The following LRRK2 variants were observed in gnomAD, a reference collection of about 807,000 sequenced individuals.
The protein encoded by LRRK2 is leucine-rich repeat serine/threonine-protein kinase 2.
In LRRK2, 203 loss-of-function variants were observed where a neutral mutation model predicts 302.6. The observed-to-expected ratio is 0.67, with a 90% CI of 0.60 to 0.75. The LOEUF is 0.75. LRRK2 is among the 30% of genes least tolerant of loss of function. The probability of loss-of-function intolerance (pLI) is 0.00; values close to 1 mark genes in which losing one functional copy is unlikely to be tolerated. For missense variants in LRRK2, 2,830 were observed against 2,951.0 expected (o/e 0.96, Z 0.95); for synonymous variants, 1,066 against 1,031.9 (o/e 1.03, Z -0.63).
At chr12:40,286,501 T>G (rs187755906) in intron 19 of LRRK2, 1 of 151,968 alleles carries the variant, frequency 6.6e-6, no homozygotes, top group Non-Finnish European at 1.5e-5. Flanking sequence ...ATTCCTACTG[T>G]TGTCAAAGTC....
In LRRK2 at chr12:40,367,723, A is replaced by C; in HGVS notation, c.7542A>C (p.Arg2514Ser). Residue 2514 changes from arginine (R) to serine (S), a missense_variant, in exon 51 of 51, where the codon AGA becomes AGC. Arg to Ser is a moderately radical substitution (Grantham distance 110). Around this residue, in one of 3 missense-constraint regions of LRRK2, gnomAD observed 456 missense variants for 456.3 expected, o/e 1.00. Coordinates refer to ENST00000298910, the MANE Select transcript of LRRK2 (RefSeq NM_198578.4). ...ATTTAGAAAAACACATTGAAGTGAGAAAAGAATTAGCTGAAAAAATGAGAC... is the reference window on the plus strand; with the variant it reads ...ATTTAGAAAAACACATTGAAGTGAGCAAAGAATTAGCTGAAAAAATGAGAC... ...VQNLEKHIEVRKELAEKMRRT... is the reference protein window; with the variant it reads ...VQNLEKHIEVSKELAEKMRRT... The C allele has an allele frequency of 6.2e-7, 1 of 1,605,230 alleles. No homozygotes were observed. The highest frequency in any genetic ancestry group is 8.5e-7 in the Non-Finnish European group (1 of 1,174,768).
At chr12:40,237,162 A>G (rs757306133) in intron 4 of LRRK2, among the ~76,000 whole-genome samples, 5 of 152,162 alleles carry the variant, frequency 3.3e-5, no homozygotes, top group African/African-American at 1.2e-4. Context: ...TTTGGAGTGA[A>G]GACAATGTGC....
At position 40,322,054 on chromosome 12, in the gene LRRK2, CAG is replaced by C; in HGVS notation, c.5192_5193del (p.Arg1731AsnfsTer14). The C allele has an allele frequency of 6.2e-7, 1 of 1,613,174 alleles. No individual in the cohort carries two copies. On this transcript the variant is annotated frameshift_variant, in exon 36 of 51. Coordinates refer to ENST00000298910, the MANE Select transcript of LRRK2 (RefSeq NM_198578.4). LOFTEE classifies it high-confidence loss of function. ...TTTTAGAACGAGCACTTCGCCCAAACAGAATGTATTGGCGACAAGGCATTTAC... is the reference window on the plus strand; with the variant it reads ...TTTTAGAACGAGCACTTCGCCCAAACAATGTATTGGCGACAAGGCATTTAC... ...SGRERALRPN[R>X]MYWRQGIYLN... is the part of the protein sequence containing the mutation.
rs146958951 is a variant in LRRK2, at chr12:40,308,559, T to G, written c.4052T>G (p.Leu1351Trp). The change falls in exon 29 of 51, where the codon TTG (leucine) becomes TGG (tryptophan). Residue 1351 changes from leucine (L) to tryptophan (W), a missense_variant. By Grantham distance (61) the Leu-to-Trp change is moderately conservative. Transcript: ENST00000298910. ...ACTGGGAGTGGTAAAACCACCTTAT[T>G]GCAGCAATTAATGAAAACCAAGAAA... ...GNTGSGKTTL[L>W]QQLMKTKKSD... 25 of 1,613,944 alleles carry G rather than the reference T, an allele frequency of 1.5e-5. No homozygotes were observed. In the African/African-American group the frequency reaches 3.3e-4, roughly 22 times the overall value.
chr12:40,326,744 G>A (rs548618462), intron 38 of LRRK2, among the ~76,000 whole-genome samples: 10 of 152,170 alleles, frequency 6.6e-5, no homozygotes, highest in African/African-American at 2.4e-4. Flanking sequence ...GTATGTAACA[G>A]TTCCCTCTGA....
intron 2 of LRRK2, chr12:40,227,809 C>T (rs1196212114): frequency 6.6e-6 from 1 of 152,240 alleles, no homozygotes; most frequent in African/African-American, 2.4e-5. Context: ...AGTCCTCCTG[C>T]CTCAGCCTCC....
rs541492513 is a variant in LRRK2, at chr12:40,299,088, T to C, written c.3348-21T>C. On this transcript the variant is annotated intron_variant, in intron 24 of 50. Coordinates refer to ENST00000298910, the MANE Select transcript of LRRK2 (RefSeq NM_198578.4). ...ATATGAATTTATGCAATTTAATCATTATCTTGTCTCTTGTGACTAGAAATA... is the reference window on the plus strand; with the variant it reads ...ATATGAATTTATGCAATTTAATCATCATCTTGTCTCTTGTGACTAGAAATA... 12 of 1,610,768 alleles carry C rather than the reference T, an allele frequency of 7.4e-6. 1 individual carries two copies. In the Admixed American group the frequency reaches 2.0e-4, roughly 27 times the overall value.
At position 40,359,173 on chromosome 12, in the gene LRRK2, G is replaced by A. The variant is rs928461717; in HGVS notation, c.6844-87G>A. On this transcript the variant is annotated intron_variant, in intron 46 of 50. Coordinates refer to ENST00000298910, the MANE Select transcript of LRRK2 (RefSeq NM_198578.4). ...TATCTCTAATCATTTAAGATGGAAA[G>A]TAGTTTTTTGAAAGCACAGATTTTA... 4.6e-6 allele frequency: 5 copies of A among 1,079,146 alleles called. No homozygotes were observed. The African/African-American group carries it at 4.8e-5, about 10-fold the overall frequency. The allele number at this position is 1,079,146 out of a possible 1,614,324, so 66.8% of individuals were successfully genotyped here.
In LRRK2 at chr12:40,335,162, G is replaced by C. The variant is rs1945829997; in HGVS notation, c.5948+5G>C. ...CCACGTAGCTGATGGTTTGAGGTAA[G>C]TAGGTCATGTTGTTTTCTATTCAGT... On this transcript the variant is annotated splice_donor_5th_base_variant and intron_variant, in intron 40 of 50. Coordinates refer to ENST00000298910, the MANE Select transcript of LRRK2 (RefSeq NM_198578.4). 1 of 1,613,982 alleles carries C rather than the reference G, an allele frequency of 6.2e-7. No homozygotes were observed. The highest frequency in any genetic ancestry group is 8.5e-7 in the Non-Finnish European group (1 of 1,179,928).
intron 38 of LRRK2, 25 bp downstream of exon 38, chr12:40,323,331 A>G (rs202247491): frequency 2.5e-6 from 4 of 1,590,020 alleles, no homozygotes; most frequent in Non-Finnish European, 3.4e-6. Context: ...TAATTTGAGA[A>G]TAAAAATTAG....
Position 40,274,915 on chromosome 12 carries a change from A to G in LRRK2, c.1863A>G (p.Ile621Met). ...TGATTACAAAGAAGAATGTGTTCAT[A>G]GGAACTGGACATCTGCTGGCAAAAA... The part of the protein sequence containing the change: ...GYLITKKNVF[I>M]GTGHLLAKIL... Residue 621 changes from isoleucine (I) to methionine (M), a missense_variant, in exon 16 of 51, where the codon ATA becomes ATG. This residue lies in a region of LRRK2 where 2,121 missense variants were observed against 2,148.0 expected (regional missense o/e 0.99). Coordinates refer to ENST00000298910, the MANE Select transcript of LRRK2 (RefSeq NM_198578.4). The G allele has an allele frequency of 1.9e-6, 3 of 1,613,674 alleles. No homozygotes were observed. The highest frequency in any genetic ancestry group is 2.5e-6 in the Non-Finnish European group (3 of 1,179,646).
intron 47 of LRRK2, among the ~76,000 whole-genome samples, chr12:40,361,918 G>A (rs944986420): frequency 2.6e-5 from 4 of 152,024 alleles, no homozygotes; most frequent in African/African-American, 4.8e-5. Flanking sequence ...CTTTGAAGCC[G>A]GAAGACTCCA....
chr12:40,271,608 A>G (rs960528862), intron 14 of LRRK2, among the ~76,000 whole-genome samples: 2 of 152,138 alleles, frequency 1.3e-5, no homozygotes, highest in Admixed American at 6.6e-5. Context: ...AATGCAATAC[A>G]TTACTATTTC....
At chr12:40,279,722 A>G (rs11564271) in intron 18 of LRRK2, among the ~76,000 whole-genome samples, 5,018 of 152,298 alleles carry the variant, frequency 0.033, 232 homozygotes, top group South Asian at 0.12. Flanking sequence ...TTTTTACTTT[A>G]TTCCTCTTTC....
intron 39 of LRRK2, among the ~76,000 whole-genome samples, chr12:40,333,852 C>T (rs546575478): frequency 1.3e-5 from 2 of 152,022 alleles, no homozygotes; most frequent in Admixed American, 1.3e-4. Context: ...AGGCAAAGAC[C>T]CTATGATGGG....
In LRRK2 at chr12:40,260,265, G is replaced by A. The variant is rs149455641; in HGVS notation, c.1543+661G>A. Among the ~76,000 whole-genome samples, 19 of 152,144 alleles carry A rather than the reference G, an allele frequency of 1.2e-4. No individual in the cohort carries two copies. In the East Asian group the frequency reaches 3.3e-3, roughly 26 times the overall value. On this transcript the variant is annotated intron_variant, in intron 13 of 50. Coordinates refer to ENST00000298910, the MANE Select transcript of LRRK2 (RefSeq NM_198578.4). ...CTATTATAGGAGCTTAGAGGTAGAT[G>A]GAAGTGTAAATAGATAATTAACAGG...
At chr12:40,308,782 C>G in intron 29 of LRRK2, 86 bp downstream of exon 29, 2 of 1,220,542 alleles carry the variant, frequency 1.6e-6, no homozygotes, top group African/African-American at 1.5e-5. Flanking sequence ...GTTCTAATAT[C>G]CAGAAACCTG....
At chr12:40,285,501 C>A (rs1467348658) in intron 19 of LRRK2, among the ~76,000 whole-genome samples, 1 of 151,898 alleles carries the variant, frequency 6.6e-6, no homozygotes, top group African/African-American at 2.4e-5. Flanking sequence ...AAATTGTCCT[C>A]TTTTGAGGAC....
Position 40,305,950 on chromosome 12 carries a change from G to T in LRRK2, c.3943G>T (p.Ala1315Ser), listed in dbSNP as rs1423892233. The T allele has an allele frequency of 6.2e-7, 1 of 1,609,522 alleles. No individual in the cohort carries two copies. Among genetic ancestry groups the T allele is most frequent in the Non-Finnish European group, 8.5e-7 (1 of 1,176,954 alleles). The change falls in exon 28 of 51, where the codon GCC (alanine) becomes TCC (serine). Residue 1315 changes from alanine (A) to serine (S), a missense_variant. By Grantham distance (99) the Ala-to-Ser change is moderately conservative. Around this residue, in one of 3 missense-constraint regions of LRRK2, gnomAD observed 2,121 missense variants for 2,148.0 expected, o/e 0.99. Coordinates refer to ENST00000298910, the MANE Select transcript of LRRK2 (RefSeq NM_198578.4). ...TGATTTTAAACATATAGGATGTAAA[G>T]CCAAAGACATCATAAGGTTAGATAA... is the stretch of plus-strand genomic sequence containing the variant. Reference protein sequence around the residue: ...NFDFKHIGCKAKDIIRFLQQR... With the variant: ...NFDFKHIGCKSKDIIRFLQQR...
Sources: gnomAD v4.1 joint callset for allele counts (sites outside exome capture counted in the v4.1 genomes callset) on GRCh38, gnomAD v4.1.1 for gene constraint, gnomAD v4.1.1 regional missense constraint, MANE v1.5 for transcripts, NCBI Gene and HGNC (gene_info 2026-07-23, HGNC 2026-07-21) for gene names.